ADARB2: variants seen among roughly 807,000 people sequenced by gnomAD.
The protein encoded by ADARB2 is adenosine deaminase RNA specific B2 (inactive), also known as inactive double-stranded RNA-specific editase B2.
In ADARB2, 25 loss-of-function variants were observed where a neutral mutation model predicts 62.2. That is an observed-to-expected ratio of 0.40 (90% CI 0.29 to 0.56). The LOEUF is 0.56. Ranked by LOEUF, ADARB2 falls within the 20% of genes least tolerant of loss-of-function variation. ADARB2 has a pLI of 0.43. For missense variants in ADARB2, 1,071 were observed against 1,077.4 expected (o/e 0.99, Z 0.08); for synonymous variants, 572 against 500.8 (o/e 1.14, Z -1.90).
intron 1 of ADARB2, among the ~76,000 whole-genome samples, chr10:1,625,157 G>A (rs988217046): frequency 2.6e-5 from 4 of 152,206 alleles, no homozygotes; most frequent in African/African-American, 9.7e-5. Context: ...TAAACCCCAA[G>A]AGACATTTTT....
intron 1 of ADARB2, among the ~76,000 whole-genome samples, chr10:1,639,216 AGCTGACCGCATCCAGGAG>A (rs1426262032): frequency 4.6e-5 from 7 of 152,228 alleles, no homozygotes; most frequent in Middle Eastern, 3.4e-3. Flanking sequence ...GCATCCAGGA[AGCTGACCGCATCCAGGAG>A]GCTGACCGCA....
chr10:1,196,871 G>A (rs1326928018), intron 8 of ADARB2, among the ~76,000 whole-genome samples: 2 of 152,210 alleles, frequency 1.3e-5, no homozygotes, highest in South Asian at 2.1e-4. Flanking sequence ...CAAAGTGCTC[G>A]GATTACAGGC....
At chr10:1,336,856 T>C (rs1230624982) in intron 3 of ADARB2, among the ~76,000 whole-genome samples, 1 of 152,178 alleles carries the variant, frequency 6.6e-6, no homozygotes, top group African/African-American at 2.4e-5. Flanking sequence ...TGATTCTCAG[T>C]GGTGGTAACC....
chr10:1,355,122 C>G (rs1295005348), intron 3 of ADARB2, among the ~76,000 whole-genome samples: 1 of 152,254 alleles, frequency 6.6e-6, no homozygotes, highest in Non-Finnish European at 1.5e-5. Flanking sequence ...TCCTCCCACA[C>G]AGTCGGGCTC....
chr10:1,667,601 G>A (rs1834330023), intron 1 of ADARB2, among the ~76,000 whole-genome samples: 1 of 152,068 alleles, frequency 6.6e-6, no homozygotes, highest in African/African-American at 2.4e-5. Context: ...TATTCAAAGG[G>A]GTGTTTACCA....
At chr10:1,260,828 A>C (rs1831129198) in intron 4 of ADARB2, among the ~76,000 whole-genome samples, 1 of 146,548 alleles carries the variant, frequency 6.8e-6, no homozygotes, top group Admixed American at 6.9e-5. Context: ...GAACCAAAAA[A>C]GAGCCCGCAT....
intron 6 of ADARB2, 43 bp downstream of exon 6, chr10:1,233,651 T>G (rs769264761): frequency 6.4e-7 from 1 of 1,572,352 alleles, no homozygotes; most frequent in Non-Finnish European, 8.6e-7. Flanking sequence ...TAGAGGGAGC[T>G]GGGGGCTGTT....
chr10:1,449,961 A>G (rs72762994), intron 1 of ADARB2, among the ~76,000 whole-genome samples: 11,574 of 152,272 alleles, frequency 0.076, 550 homozygotes, highest in South Asian at 0.17. Flanking sequence ...GTGCATGCTA[A>G]TTTTGTCTCG....
chr10:1,240,977 G>C (rs1361131687), intron 5 of ADARB2, among the ~76,000 whole-genome samples: 1 of 152,226 alleles, frequency 6.6e-6, no homozygotes, highest in Non-Finnish European at 1.5e-5. Context: ...AGATAAGAAT[G>C]AGCTGAGTGT....
intron 3 of ADARB2, among the ~76,000 whole-genome samples, chr10:1,281,793 TCTC>T (rs1292140153): frequency 6.6e-6 from 1 of 152,256 alleles, no homozygotes; most frequent in South Asian, 2.1e-4. Context: ...GCCAACCCCA[TCTC>T]CTCCTCTATA....
intron 1 of ADARB2, among the ~76,000 whole-genome samples, chr10:1,728,220 AT>A (rs1189227624): frequency 6.6e-6 from 1 of 152,196 alleles, no homozygotes; most frequent in Non-Finnish European, 1.5e-5. Context: ...TTGGTGTAAA[AT>A]ATGCACAAAG....
intron 1 of ADARB2, among the ~76,000 whole-genome samples, chr10:1,679,695 G>A (rs1257847957): frequency 6.6e-6 from 1 of 152,172 alleles, no homozygotes; most frequent in Non-Finnish European, 1.5e-5. Flanking sequence ...AGAGTGTACA[G>A]CTGCAGACTG....
chr10:1,370,018 C>T (rs1832353652), intron 2 of ADARB2, among the ~76,000 whole-genome samples: 1 of 152,196 alleles, frequency 6.6e-6, no homozygotes. Context: ...GGAGACAGTG[C>T]GTGTAACAGT....
intron 1 of ADARB2, among the ~76,000 whole-genome samples, chr10:1,685,846 G>T (rs1162325354): frequency 6.6e-6 from 1 of 152,172 alleles, no homozygotes; most frequent in Non-Finnish European, 1.5e-5. Context: ...GGGCTGGGCT[G>T]GGGGAACAAG....
At chr10:1,689,083 G>C (rs1834635268) in intron 1 of ADARB2, among the ~76,000 whole-genome samples, 1 of 152,176 alleles carries the variant, frequency 6.6e-6, no homozygotes, top group Non-Finnish European at 1.5e-5. Flanking sequence ...AGAGAAAGTA[G>C]GAAAATATGC....
intron 1 of ADARB2, among the ~76,000 whole-genome samples, chr10:1,558,287 C>G (rs552230581): frequency 6.9e-6 from 1 of 144,140 alleles, no homozygotes; most frequent in African/African-American, 2.6e-5. Flanking sequence ...CACCTCTGTC[C>G]CCCCTCCGTG....
intron 1 of ADARB2, among the ~76,000 whole-genome samples, chr10:1,631,590 C>T (rs779511381): frequency 6.6e-5 from 10 of 152,170 alleles, no homozygotes; most frequent in South Asian, 2.1e-4. Context: ...ACCCTTTGAA[C>T]GTCAGTTACA....
At chr10:1,542,847 C>T (rs551949175) in intron 1 of ADARB2, among the ~76,000 whole-genome samples, 1 of 135,508 alleles carries the variant, frequency 7.4e-6, no homozygotes. Flanking sequence ...TCACAGCCGC[C>T]CAGACCCCAC....
chr10:1,493,514 A>AAAGTGC (rs1831647408), intron 1 of ADARB2, among the ~76,000 whole-genome samples: 1 of 152,092 alleles, frequency 6.6e-6, no homozygotes, highest in Non-Finnish European at 1.5e-5. Flanking sequence ...AAGGAATCAG[A>AAAGTGC]AAGTGCAAGT....
Sources: gnomAD v4.1 joint callset for allele counts (sites outside exome capture counted in the v4.1 genomes callset) on GRCh38, gnomAD v4.1.1 for gene constraint, MANE v1.5 for transcripts, NCBI Gene and HGNC (gene_info 2026-07-23, HGNC 2026-07-21) for gene names.